Variants in PTPRN2 observed in about 807,000 individuals in gnomAD.
PTPRN2 encodes the protein protein tyrosine phosphatase receptor type N2.
Under a neutral mutation model 118.8 loss-of-function variants are expected in PTPRN2, and 74 were observed. The observed-to-expected ratio is 0.62, with a 90% CI of 0.52 to 0.76. PTPRN2 has a LOEUF of 0.76. Among genes scored for constraint, PTPRN2 ranks in the 30% least tolerant of loss-of-function variants. The pLI, the probability that PTPRN2 is intolerant of heterozygous loss-of-function variation, is 0.00. For missense variants in PTPRN2, 1,481 were observed against 1,394.4 expected (o/e 1.06, Z -0.99); for synonymous variants, 641 against 608.0 (o/e 1.05, Z -0.80).
chr7:157,895,126 T>C (rs1296862277), intron 12 of PTPRN2, among the ~76,000 whole-genome samples: 2 of 151,096 alleles, frequency 1.3e-5, no homozygotes. Context: ...GGCCAGAGGG[T>C]CTGAACGAGA....
rs867964650 is a variant in PTPRN2, at chr7:158,103,603, C to T, written c.1643+7226G>A. ...TCTGAGGTCACTGGCAGTTCCAGAA[C>T]CTTCTCTAGCACTGTCCGATTTGTT... On this transcript the variant is annotated intron_variant, in intron 10 of 22. Coordinates refer to ENST00000389418, the MANE Select transcript of PTPRN2 (RefSeq NM_002847.5). Among the ~76,000 whole-genome samples the T allele has an allele frequency of 1.2e-4, 18 of 152,340 alleles. No individual in the cohort carries two copies. In the Middle Eastern group the frequency reaches 0.01, roughly 86 times the overall value.
chr7:158,062,821 C>T lies in PTPRN2; in HGVS notation c.1723+18477G>A, dbSNP rs116300878. Among the ~76,000 whole-genome samples, 969 of 152,294 alleles carry T rather than the reference C, an allele frequency of 6.4e-3. 18 individuals are homozygous for T. The highest frequency in any genetic ancestry group is 0.021 in the African/African-American group (889 of 41,566). On this transcript the variant is annotated intron_variant, in intron 11 of 22. Coordinates refer to ENST00000389418, the MANE Select transcript of PTPRN2 (RefSeq NM_002847.5). ...AGCTGCCTCCCCATGGGGCAGGGCG[C>T]GGGATCTGCAGCCCACCATGCCTGA... is the stretch of plus-strand genomic sequence containing the variant.
chr7:157,849,032 G>C (rs1209586488), intron 12 of PTPRN2, among the ~76,000 whole-genome samples: 1 of 152,198 alleles, frequency 6.6e-6, no homozygotes, highest in East Asian at 1.9e-4. Flanking sequence ...AGCGGGTCTT[G>C]GGATGACGTC....
chr7:158,001,776 G>T (rs983005982), intron 11 of PTPRN2, among the ~76,000 whole-genome samples: 2 of 152,226 alleles, frequency 1.3e-5, no homozygotes, highest in African/African-American at 2.4e-5. Flanking sequence ...GCATGGGCCC[G>T]CTGGCCTTCC....
intron 12 of PTPRN2, among the ~76,000 whole-genome samples, chr7:157,879,132 CGG>C (rs1795970321): frequency 6.9e-6 from 1 of 144,222 alleles, no homozygotes; most frequent in African/African-American, 2.6e-5. Context: ...GAGGAGCTCT[CGG>C]ATTCCGTGGG....
At chr7:158,098,865 G>T (rs924790527) in intron 10 of PTPRN2, among the ~76,000 whole-genome samples, 1 of 151,960 alleles carries the variant, frequency 6.6e-6, no homozygotes, top group Non-Finnish European at 1.5e-5. Flanking sequence ...GGGGAGGGCC[G>T]GAGAAGATGG....
At chr7:158,036,418 T>C (rs553025620) in intron 11 of PTPRN2, among the ~76,000 whole-genome samples, 2 of 152,328 alleles carry the variant, frequency 1.3e-5, no homozygotes, top group African/African-American at 2.4e-5. Context: ...TTTCCTCCTA[T>C]GCGGATTTTA....
At chr7:157,703,936 C>G (rs1192175798) in intron 12 of PTPRN2, among the ~76,000 whole-genome samples, 2 of 152,194 alleles carry the variant, frequency 1.3e-5, no homozygotes, top group Non-Finnish European at 2.9e-5. Flanking sequence ...TGCGTGATCA[C>G]CGTGGGGCTC....
intron 10 of PTPRN2, among the ~76,000 whole-genome samples, chr7:158,098,612 G>A (rs1814879583): frequency 6.6e-6 from 1 of 152,204 alleles, no homozygotes; most frequent in Non-Finnish European, 1.5e-5. Context: ...GCTCCCCGAG[G>A]CACACGCCTC....
intron 5 of PTPRN2, among the ~76,000 whole-genome samples, chr7:158,179,772 C>G (rs1233088427): frequency 6.6e-6 from 1 of 152,134 alleles, no homozygotes; most frequent in Non-Finnish European, 1.5e-5. Flanking sequence ...AAGCAGGTTT[C>G]CATAAGTCTC....
intron 1 of PTPRN2, among the ~76,000 whole-genome samples, chr7:158,587,242 C>T (rs1250307246): frequency 1.6e-5 from 2 of 121,406 alleles, no homozygotes; most frequent in Non-Finnish European, 3.5e-5. Flanking sequence ...CATTGAGGCG[C>T]CCCTCCCCCC....
chr7:158,429,170 G>A (rs1815978950), intron 2 of PTPRN2, among the ~76,000 whole-genome samples: 1 of 152,196 alleles, frequency 6.6e-6, no homozygotes, highest in Non-Finnish European at 1.5e-5. Flanking sequence ...CCCATTCAGG[G>A]GCAGGGTGGG....
At chr7:158,045,790 G>A (rs1050346867) in intron 11 of PTPRN2, among the ~76,000 whole-genome samples, 5 of 150,810 alleles carry the variant, frequency 3.3e-5, no homozygotes, top group Non-Finnish European at 5.9e-5. Context: ...CTGTCCAGGA[G>A]CAGAACCTGC....
At chr7:158,375,479 A>G (rs1331998142) in intron 2 of PTPRN2, among the ~76,000 whole-genome samples, 1 of 152,232 alleles carries the variant, frequency 6.6e-6, no homozygotes, top group African/African-American at 2.4e-5. Flanking sequence ...GCACAGCTGA[A>G]CATTAAATCC....
At chr7:158,492,016 A>G (rs748238918) in intron 1 of PTPRN2, among the ~76,000 whole-genome samples, 4 of 152,188 alleles carry the variant, frequency 2.6e-5, no homozygotes, top group Non-Finnish European at 5.9e-5. Flanking sequence ...AAAGGTCAGC[A>G]TGGAGGTTAG....
At chr7:157,807,665 C>T (rs961815530) in intron 12 of PTPRN2, among the ~76,000 whole-genome samples, 3 of 152,246 alleles carry the variant, frequency 2.0e-5, no homozygotes, top group South Asian at 2.1e-4. Flanking sequence ...ACAAATCCTT[C>T]ACATCCTGGA....
At chr7:158,452,950 AGCT>A (rs1818190520) in intron 2 of PTPRN2, among the ~76,000 whole-genome samples, 2 of 152,270 alleles carry the variant, frequency 1.3e-5, no homozygotes, top group African/African-American at 2.4e-5. Flanking sequence ...ACGCTGGTAC[AGCT>A]GCAACACAGG....
intron 3 of PTPRN2, among the ~76,000 whole-genome samples, chr7:158,263,423 T>TGC (rs1034477142): frequency 1.5e-4 from 18 of 122,766 alleles, no homozygotes; most frequent in African/African-American, 6.0e-4. Context: ...CACAAACACA[T>TGC]GCACACACAC....
At chr7:158,388,061 C>T (rs1443007162) in intron 2 of PTPRN2, among the ~76,000 whole-genome samples, 1 of 152,190 alleles carries the variant, frequency 6.6e-6, no homozygotes, top group East Asian at 1.9e-4. Flanking sequence ...CCCAGCTCCA[C>T]AGCAGCCTTC....
Sources: allele counts gnomAD v4.1 joint callset (sites outside exome capture counted in the v4.1 genomes callset), GRCh38; gene constraint gnomAD v4.1.1; transcripts MANE v1.5; gene names NCBI Gene and HGNC (gene_info 2026-07-23, HGNC 2026-07-21).